The following DLG2 variants were observed in gnomAD, a reference collection of about 807,000 sequenced individuals.
The protein encoded by DLG2 is disks large homolog 2.
DLG2 carries 45 observed loss-of-function variants against 132.5 expected under a neutral mutation model. The observed-to-expected ratio is 0.34, with a 90% CI of 0.27 to 0.44. DLG2 has a LOEUF of 0.44. Ranked by LOEUF, DLG2 falls within the 20% of genes least tolerant of loss-of-function variation. The pLI, the probability that DLG2 is intolerant of heterozygous loss-of-function variation, is 1.00. For missense variants in DLG2, 1,045 were observed against 1,196.9 expected (o/e 0.87, Z 1.87); for synonymous variants, 424 against 419.6 (o/e 1.01, Z -0.13).
At chr11:84,479,284 G>C (rs2099130259) in intron 7 of DLG2, among the ~76,000 whole-genome samples, 1 of 151,892 alleles carries the variant, frequency 6.6e-6, no homozygotes, top group South Asian at 2.1e-4. Context: ...CCCTTAACTG[G>C]TACAAACTAT....
At chr11:83,632,908 T>C in intron 19 of DLG2, 1 of 323,240 alleles carries the variant, frequency 3.1e-6, no homozygotes, top group Non-Finnish European at 5.8e-6. Flanking sequence ...CATATGCCAT[T>C]TAAGATTTAT....
chr11:84,442,600 A>G (rs2154478175), intron 7 of DLG2, among the ~76,000 whole-genome samples: 1 of 152,120 alleles, frequency 6.6e-6, no homozygotes, highest in East Asian at 1.9e-4. Context: ...TGATGGGTGC[A>G]GCAAACCACC....
chr11:84,549,159 G>A (rs1372440425), intron 6 of DLG2, among the ~76,000 whole-genome samples: 2 of 152,216 alleles, frequency 1.3e-5, no homozygotes, highest in African/African-American at 4.8e-5. Flanking sequence ...AAATGAAAGA[G>A]GGATGTGCCG....
chr11:84,190,414 A>G (rs1225276001), intron 8 of DLG2, among the ~76,000 whole-genome samples: 2 of 152,198 alleles, frequency 1.3e-5, no homozygotes, highest in African/African-American at 4.8e-5. Flanking sequence ...TTGGAACCAG[A>G]AAGCAAGTGA....
At chr11:85,516,720 C>G (rs1301517724) in intron 3 of DLG2, among the ~76,000 whole-genome samples, 1 of 151,908 alleles carries the variant, frequency 6.6e-6, no homozygotes, top group Non-Finnish European at 1.5e-5. Context: ...CAAGATTGAA[C>G]CCTAAAAATA....
intron 6 of DLG2, among the ~76,000 whole-genome samples, chr11:84,765,874 A>C (rs1217274323): frequency 6.6e-6 from 1 of 151,908 alleles, no homozygotes; most frequent in Non-Finnish European, 1.5e-5. Flanking sequence ...AAAACAATTT[A>C]ATTCTATTAT....
chr11:83,596,253 A>G (rs992130501), intron 19 of DLG2, among the ~76,000 whole-genome samples: 24 of 152,148 alleles, frequency 1.6e-4, no homozygotes, highest in African/African-American at 5.1e-4. Flanking sequence ...GACATAATAA[A>G]AAATAATTTT....
chr11:84,468,247 T>C (rs1345303396), intron 7 of DLG2, among the ~76,000 whole-genome samples: 1 of 151,410 alleles, frequency 6.6e-6, no homozygotes, highest in African/African-American at 2.4e-5. Context: ...TAACTTTGGG[T>C]TTAGTGCACA....
At chr11:84,701,627 C>T (rs491931) in intron 6 of DLG2, among the ~76,000 whole-genome samples, 95,434 of 151,280 alleles carry the variant, frequency 0.63, 30,465 homozygotes, top group Middle Eastern at 0.7. Flanking sequence ...AACCCAGGCA[C>T]ATTTTATTTT....
chr11:84,037,656 C>A (rs888571217), intron 11 of DLG2, among the ~76,000 whole-genome samples: 1 of 152,028 alleles, frequency 6.6e-6, no homozygotes, highest in East Asian at 1.9e-4. Context: ...CATTTCCTGG[C>A]TTATGGTGGT....
At chr11:84,650,867 G>GTATATATATA (rs1158584073) in intron 6 of DLG2, among the ~76,000 whole-genome samples, 4 of 95,686 alleles carry the variant, frequency 4.2e-5, no homozygotes, top group African/African-American at 1.0e-4. Context: ...GTGTGTGTGT[G>GTATATATATA]TGTGTGTATA....
At chr11:83,928,878 A>T (rs68097161) in intron 15 of DLG2, among the ~76,000 whole-genome samples, 246 of 152,286 alleles carry the variant, frequency 1.6e-3, no homozygotes, top group African/African-American at 4.9e-3. Flanking sequence ...GACTATAGGT[A>T]CATAATTACT....
At chr11:83,817,926 G>A (rs144611173) in intron 17 of DLG2, among the ~76,000 whole-genome samples, 32 of 152,224 alleles carry the variant, frequency 2.1e-4, no homozygotes, top group African/African-American at 6.5e-4. Flanking sequence ...ACTAACATAC[G>A]TTTAGTCATA....
chr11:85,007,664 C>CAAAAAAAAAAAAAAAA (rs57188165), intron 6 of DLG2, among the ~76,000 whole-genome samples: 32 of 88,494 alleles, frequency 3.6e-4, no homozygotes, highest in Non-Finnish European at 5.5e-4. Context: ...GACTCCGTCT[C>CAAAAAAAAAAAAAAAA]AAAAAAAAAA....
At chr11:85,477,711 T>C (rs1793925902) in intron 3 of DLG2, among the ~76,000 whole-genome samples, 1 of 152,204 alleles carries the variant, frequency 6.6e-6, no homozygotes, top group African/African-American at 2.4e-5. Context: ...AATTATTCTA[T>C]TTCTGTCATT....
At chr11:85,154,420 T>C (rs528382468) in intron 5 of DLG2, 136 bp downstream of exon 5, 3 of 514,362 alleles carry the variant, frequency 5.8e-6, no homozygotes, top group South Asian at 3.7e-5. Flanking sequence ...GAACCCAATA[T>C]GCTGACCAGG....
At chr11:84,981,368 C>T (rs947064016) in intron 6 of DLG2, among the ~76,000 whole-genome samples, 4 of 152,076 alleles carry the variant, frequency 2.6e-5, no homozygotes, top group Non-Finnish European at 4.4e-5. Flanking sequence ...GGGTCGTGAC[C>T]GTAGGCCAAA....
chr11:84,148,286 G>A (rs995477821), intron 9 of DLG2, among the ~76,000 whole-genome samples: 7 of 152,046 alleles, frequency 4.6e-5, no homozygotes, highest in South Asian at 2.1e-4. Flanking sequence ...ATTGTGTGAC[G>A]CTGAGGTTTG....
At chr11:85,270,014 C>T (rs552297970) in intron 4 of DLG2, among the ~76,000 whole-genome samples, 1 of 152,238 alleles carries the variant, frequency 6.6e-6, no homozygotes, top group African/African-American at 2.4e-5. Context: ...TGTTAGCTAT[C>T]ATTAAAATGT....
Sources: gnomAD v4.1 joint callset for allele counts (sites outside exome capture counted in the v4.1 genomes callset) on GRCh38, gnomAD v4.1.1 for gene constraint, MANE v1.5 for transcripts, NCBI Gene and HGNC (gene_info 2026-07-23, HGNC 2026-07-21) for gene names.